Variants in PML observed in about 807,000 individuals in gnomAD.
The protein encoded by PML is protein PML.
Under a neutral mutation model 65.2 loss-of-function variants are expected in PML, and 28 were observed. That is an observed-to-expected ratio of 0.43 (90% CI 0.32 to 0.59). PML has a LOEUF of 0.59. Ranked by LOEUF, PML falls within the 20% of genes least tolerant of loss-of-function variation. PML has a pLI of 0.08. For synonymous variants in PML, 500 were observed against 508.8 expected, an observed-to-expected ratio of 0.98 and a Z score of 0.23; for missense variants, 1,021 against 1,203.4, an observed-to-expected ratio of 0.85 and a Z score of 2.24.
chr15:73,998,105 C>T lies in PML; in HGVS notation c.231C>T (p.Cys77=), dbSNP rs1345225157. 1 of 1,613,944 alleles carries T rather than the reference C, an allele frequency of 6.2e-7. No homozygotes were observed. Residue 77 remains cysteine (C), a synonymous_variant, in exon 2 of 9, where the codon TGC becomes TGT. Coordinates refer to ENST00000268058, the MANE Select transcript of PML (RefSeq NM_033238.3). ...TGCTGCCTTGTCTGCACACGCTGTG[C>T]TCAGGATGCCTGGAGGCGTCGGGCA... The part of the protein sequence containing the change: ...PKLLPCLHTL[C]SGCLEASGMQ...
intron 7 of PML, chr15:74,034,878 C>T (rs2071474642): frequency 1.4e-6 from 2 of 1,437,524 alleles, no homozygotes; most frequent in African/African-American, 1.4e-5. Flanking sequence ...GAATCCATTC[C>T]TTGGTTTATT....
At chr15:74,007,411 G>A (rs1277669054) in intron 2 of PML, among the ~76,000 whole-genome samples, 2 of 152,208 alleles carry the variant, frequency 1.3e-5, no homozygotes, top group African/African-American at 2.4e-5. Context: ...CCTTGAGCAC[G>A]GTGCATGGCC....
At chr15:74,029,836 G>T (rs1431906735) in intron 4 of PML, among the ~76,000 whole-genome samples, 1 of 152,148 alleles carries the variant, frequency 6.6e-6, no homozygotes, top group East Asian at 1.9e-4. Flanking sequence ...TTTCCTAGAG[G>T]CCTGGCAGAG....
At chr15:74,010,185 A>ATTTTTTTTTTTTTTTTTTTTTT (rs536738558) in intron 2 of PML, among the ~76,000 whole-genome samples, 8 of 77,930 alleles carry the variant, frequency 1.0e-4, no homozygotes, top group Non-Finnish European at 1.4e-4. Context: ...TGCCCAGCTA[A>ATTTTTTTTTTTTTTTTTTTTTT]TTTTTTTTTT....
At position 74,043,182 on chromosome 15, in the gene PML, C is replaced by A; in HGVS notation, c.1861+43C>A. ...TACCCCCACCCCTTTCTAATTTAGT[C>A]TCTGAGTCCCAAAAAGAAGTGCAGG... On this transcript the variant is annotated intron_variant, in intron 8 of 8. Transcript: ENST00000268058. This position sits in a 1 kb window ranked among gnomAD's most constrained non-coding sequence, Gnocchi z 4.3. 1 of 1,614,044 alleles carries A rather than the reference C, an allele frequency of 6.2e-7. No individual in the cohort carries two copies. The highest frequency in any genetic ancestry group is 2.2e-5 in the East Asian group (1 of 44,842).
intron 4 of PML, chr15:74,027,648 GAAC>G (rs1373528255): frequency 1.3e-5 from 2 of 152,240 alleles, no homozygotes; most frequent in Non-Finnish European, 2.9e-5. Context: ...ATTGGTGAAT[GAAC>G]AACAAGAGAG....
chr15:74,042,317 C>G lies in PML; in HGVS notation c.1711-672C>G. ...CTCTCACTGCCAAGGACCTGGGTGT[C>G]CACCTAGATGTGGCCTTCAGGAGGC... On this transcript the variant is annotated intron_variant, in intron 7 of 8. Transcript: ENST00000268058. This position sits in a 1 kb window ranked among gnomAD's most constrained non-coding sequence, Gnocchi z 5.3. The G allele has an allele frequency of 1.0e-6, 1 of 979,282 alleles. No individual in the cohort carries two copies. The highest frequency in any genetic ancestry group is 1.7e-5 in the African/African-American group (1 of 57,244). The allele number at this position is 979,282 out of a possible 1,614,324, so 60.7% of individuals were successfully genotyped here.
At chr15:74,044,152 G>C in intron 8 of PML, 69 bp from the exon 9 acceptor site, 1 of 1,509,454 alleles carries the variant, frequency 6.6e-7, no homozygotes, top group Admixed American at 1.7e-5. Context: ...AGCCCTAGAG[G>C]ACCCCCTGCT....
chr15:74,016,774 T>A (rs951726308), intron 2 of PML, among the ~76,000 whole-genome samples: 1 of 146,468 alleles, frequency 6.8e-6, no homozygotes, highest in Non-Finnish European at 1.5e-5. Flanking sequence ...CAGTTTTGAA[T>A]TTTTTAGGCA....
At position 74,043,506 on chromosome 15, in the gene PML, C is replaced by T. The variant is rs72745388; in HGVS notation, c.1861+367C>T. 10,644 of 514,108 alleles carry T rather than the reference C, an allele frequency of 0.021. 139 individuals carry two copies. Among genetic ancestry groups the T allele is most frequent in the Middle Eastern group, 0.03 (31 of 1,048 alleles). The allele number at this position is 514,108 out of a possible 1,614,324, so 31.8% of individuals were successfully genotyped here. A position where few individuals can be genotyped will look rare whatever the true frequency, so the allele number is the denominator to read the frequency against. ...AAGTAAGGCCTCTGGCTGTGCTACA[C>T]GTTTCTGAGTAGAGGGCCAATCCCA... is the stretch of plus-strand genomic sequence containing the variant. On this transcript the variant is annotated intron_variant, in intron 8 of 8. Coordinates refer to ENST00000268058, the MANE Select transcript of PML (RefSeq NM_033238.3). The surrounding 1 kb of genome is among the most constrained non-coding windows in gnomAD (Gnocchi z 4.3).
chr15:74,033,537 A>G (rs2071412350), intron 6 of PML, 123 bp downstream of exon 6: 1 of 1,033,320 alleles, frequency 9.7e-7, no homozygotes, highest in Admixed American at 1.9e-5. Context: ...ATTCCCACTG[A>G]ATAAGATAGG....
intron 3 of PML, 27 bp downstream of exon 3, chr15:74,023,435 C>T (rs756178549): frequency 7.6e-5 from 118 of 1,556,576 alleles, no homozygotes; most frequent in Non-Finnish European, 9.4e-5. Flanking sequence ...CCTTCCTGGG[C>T]GGCCTGTGCC....
rs149710270 is a variant in PML at position 74,035,176 on chromosome 15, T to C, written c.1710+646T>C. ...CTGAGGTTCTGTATTGGAAAGTGCA[T>C]GGAGCCCATGGAGACCGCCGAGCCA... On this transcript the variant is annotated intron_variant, in intron 7 of 8. Coordinates refer to ENST00000268058, the MANE Select transcript of PML (RefSeq NM_033238.3). This position sits in a 1 kb window ranked among gnomAD's most constrained non-coding sequence, Gnocchi z 4.1. The C allele has an allele frequency of 6.6e-5, 84 of 1,280,282 alleles. No homozygotes were observed. In the African/African-American group the frequency reaches 8.3e-4, roughly 13 times the overall value. 79.3% of individuals were successfully genotyped at this position (1,280,282 alleles called of 1,614,324 possible).
rs889133403 is a variant in PML at position 74,023,157 on chromosome 15, A to C, written c.932A>C (p.Glu311Ala). ...GCGCGGTACCAGCGCGACTACGAGG[A>C]GATGGCCAGTCGGCTGGGCCGCCTG... is the stretch of plus-strand genomic sequence containing the variant. ...VDARYQRDYE[E>A]MASRLGRLDA... Residue 311 changes from glutamate to alanine, a missense_variant, in exon 3 of 9, where the codon GAG (glutamate) becomes GCG (alanine). Physicochemically the swap from Glu to Ala is moderately radical, Grantham distance 107 (BLOSUM62 -1). Coordinates refer to ENST00000268058, the MANE Select transcript of PML (RefSeq NM_033238.3). The C allele has an allele frequency of 6.2e-7, 1 of 1,605,128 alleles. No homozygotes were observed. The highest frequency in any genetic ancestry group is 1.3e-5 in the African/African-American group (1 of 74,824).
chr15:74,031,742 A>G (rs2071333462), intron 4 of PML, among the ~76,000 whole-genome samples: 1 of 152,210 alleles, frequency 6.6e-6, no homozygotes, highest in Non-Finnish European at 1.5e-5. Context: ...AACTGCCTCT[A>G]TTTCATTTTG....
chr15:74,043,852 A>C lies in PML; in HGVS notation c.1862-369A>C. ...GGTCCTTGAGGGGATTGGAGGAAGG[A>C]GCATGGGATGGAGAGCTAAGTTCAA... On this transcript the variant is annotated intron_variant, in intron 8 of 8. Coordinates refer to ENST00000268058, the MANE Select transcript of PML (RefSeq NM_033238.3). The surrounding 1 kb of genome is among the most constrained non-coding windows in gnomAD (Gnocchi z 4.3). The C allele has an allele frequency of 1.9e-6, 1 of 522,262 alleles. No homozygotes were observed. Among genetic ancestry groups the C allele is most frequent in the Non-Finnish European group, 3.7e-6 (1 of 270,720 alleles). The allele number at this position is 522,262 out of a possible 1,614,324, so 32.4% of individuals were successfully genotyped here. A position where few individuals can be genotyped will look rare whatever the true frequency, so the allele number is the denominator to read the frequency against.
chr15:73,995,583 A>G lies in PML; in HGVS notation c.129+642A>G, dbSNP rs2069444723. 2.0e-5 allele frequency among the ~76,000 whole-genome samples: 3 copies of G among 152,378 alleles called. No individual in the cohort carries two copies. In the South Asian group the frequency reaches 6.2e-4, roughly 32 times the overall value. On this transcript the variant is annotated intron_variant, in intron 1 of 8. Transcript: ENST00000268058. ...CTTTTACTCCCCTTCATGAAAGTAC[A>G]GAGGACACCGTATTACAGTAACTTT...
chr15:74,006,245 G>A (rs1011996356), intron 2 of PML, among the ~76,000 whole-genome samples: 1 of 151,924 alleles, frequency 6.6e-6, no homozygotes, highest in Non-Finnish European at 1.5e-5. Flanking sequence ...ATAAAAATTC[G>A]CCAGGCATGG....
rs2071456202 is a variant in PML, at chr15:74,034,505, C to T, written c.1685C>T (p.Ser562Leu). Residue 562 changes from serine to leucine, a missense_variant, in exon 7 of 9, where the codon TCG (serine) becomes TTG (leucine). Physicochemically the swap from Ser to Leu is moderately radical, Grantham distance 145 (BLOSUM62 -2). Transcript: ENST00000268058. Reference protein sequence around the residue: ...AEERVVVISSSEDSDAENSSS... With the variant: ...AEERVVVISSLEDSDAENSSS... ...GAACGCGTTGTGGTGATCAGCAGCT[C>T]GGAAGACTCAGATGCCGAAAACTCG... The T allele has an allele frequency of 6.2e-7, 1 of 1,614,026 alleles. No individual in the cohort carries two copies. The highest frequency in any genetic ancestry group is 8.5e-7 in the Non-Finnish European group (1 of 1,180,024).
Sources: gnomAD v4.1 joint callset for allele counts (sites outside exome capture counted in the v4.1 genomes callset) on GRCh38, gnomAD v4.1.1 for gene constraint, Gnocchi (gnomAD v3.1) non-coding constraint, MANE v1.5 for transcripts, NCBI Gene and HGNC (gene_info 2026-07-23, HGNC 2026-07-21) for gene names.